The following BDH1 variants were observed in gnomAD, a reference collection of about 807,000 sequenced individuals.
BDH1 encodes the protein D-beta-hydroxybutyrate dehydrogenase, mitochondrial.
Under a neutral mutation model 33.1 loss-of-function variants are expected in BDH1, and 30 were observed. The ratio of observed to expected loss-of-function variants is 0.91; its 90% CI spans 0.68 to 1.23. The LOEUF (loss-of-function observed/expected upper bound fraction) is 1.23, where lower values mean the gene tolerates loss of function less well. BDH1 is among the 50% of genes most tolerant of loss of function. The pLI is 0.00. For synonymous variants in BDH1, 190 were observed against 183.6 expected (o/e 1.03, Z -0.28); for missense variants, 443 against 464.4 (o/e 0.95, Z 0.42).
intron 1 of BDH1, among the ~76,000 whole-genome samples, chr3:197,571,575 AC>A (rs1156487742): frequency 2.0e-5 from 3 of 152,188 alleles, no homozygotes; most frequent in Non-Finnish European, 2.9e-5. Context: ...ACAAGGGGAA[AC>A]CCCTTTCACT....
At chr3:197,560,039 C>T (rs1247556291), upstream of BDH1, among the ~76,000 whole-genome samples, 2 of 152,262 alleles carry the variant, frequency 1.3e-5, no homozygotes, top group Admixed American at 1.3e-4. Flanking sequence ...TCAGCACACT[C>T]TCCTCAACCC....
chr3:197,560,388 A>G (rs559219062), upstream of BDH1, among the ~76,000 whole-genome samples: 4 of 152,204 alleles, frequency 2.6e-5, no homozygotes, highest in South Asian at 2.1e-4. Flanking sequence ...TACCTTTCTC[A>G]GCATTCCACA....
intron 6 of BDH1, chr3:197,515,875 C>A: frequency 5.0e-6 from 1 of 199,566 alleles, no homozygotes; most frequent in Non-Finnish European, 9.0e-6. Flanking sequence ...GGCACTCCAG[C>A]CTGGGTGACA....
chr3:197,543,470 G>A (rs1316804921), intron 3 of BDH1, among the ~76,000 whole-genome samples: 2 of 152,236 alleles, frequency 1.3e-5, no homozygotes, highest in Non-Finnish European at 2.9e-5. Flanking sequence ...TCCCAGATGT[G>A]AGCAAGGCAC....
chr3:197,513,282 TTTC>T (rs1403063561), intron 7 of BDH1, among the ~76,000 whole-genome samples: 1 of 152,022 alleles, frequency 6.6e-6, no homozygotes, highest in Non-Finnish European at 1.5e-5. Flanking sequence ...TGGGACCAGT[TTTC>T]CTGGGAGGGA....
Position 197,513,148 on chromosome 3 carries a change from C to T in BDH1, c.563-784G>A, listed in dbSNP as rs564408583. Among the ~76,000 whole-genome samples the T allele has an allele frequency of 7.0e-4, 107 of 152,350 alleles. 1 individual carries two copies. The highest frequency in any genetic ancestry group is 2.4e-3 in the African/African-American group (99 of 41,584). On this transcript the variant is annotated intron_variant, in intron 7 of 7. Transcript: ENST00000392379. ...GGGCACTGGGAGAGTGTGGTGATCC[C>T]CCTCCAAAGGCCACAGGCCCAGCCT...
At chr3:197,569,469 T>C (rs943635201) in intron 1 of BDH1, among the ~76,000 whole-genome samples, 10 of 152,196 alleles carry the variant, frequency 6.6e-5, no homozygotes, top group Admixed American at 2.6e-4. Context: ...TTTGGCTGTG[T>C]CCCTACCCAA....
At chr3:197,533,797 A>G (rs1279539492) in intron 3 of BDH1, 2 of 505,852 alleles carry the variant, frequency 4.0e-6, no homozygotes, top group East Asian at 3.1e-5. Context: ...AATAAAGCCA[A>G]TTCTGAAGCT....
At position 197,512,368 on chromosome 3, in the gene BDH1, C is replaced by G. The variant is rs373897141; in HGVS notation, c.563-4G>C. 1.2e-5 allele frequency: 19 copies of G among 1,594,418 alleles called. No homozygotes were observed. Among genetic ancestry groups the G allele is most frequent in the Non-Finnish European group, 1.5e-5 (18 of 1,173,942 alleles). Reference sequence around the variant, plus strand: ...CTGCTGATATTGACGACGCGGCCTACAGAGGGAGACAGAGGTACCTGCTAA... The same window carrying G: ...CTGCTGATATTGACGACGCGGCCTAGAGAGGGAGACAGAGGTACCTGCTAA... On this transcript the variant is annotated splice_region_variant and splice_polypyrimidine_tract_variant and intron_variant, in intron 7 of 7. Transcript: ENST00000392379.
chr3:197,518,854 C>T (rs1579881801), intron 6 of BDH1, among the ~76,000 whole-genome samples: 1 of 81,652 alleles, frequency 1.2e-5, no homozygotes, highest in Non-Finnish European at 2.5e-5. Flanking sequence ...CAGGCCGACC[C>T]CCCTCATCAG....
chr3:197,522,822 C>T lies in BDH1; in HGVS notation c.268-41G>A, dbSNP rs3828369. 0.18 allele frequency: 287,899 copies of T among 1,603,160 alleles called. 26,682 individuals are homozygous for T. Among genetic ancestry groups the T allele is most frequent in the African/African-American group, 0.25 (18,763 of 74,800 alleles). ...GAGCTGCTTCTACCTCCTTCCTTCCCACCCTGAGGCAGACCCTGAGGACTC... is the reference window on the plus strand; with the variant it reads ...GAGCTGCTTCTACCTCCTTCCTTCCTACCCTGAGGCAGACCCTGAGGACTC... On this transcript the variant is annotated intron_variant, in intron 5 of 7. Coordinates refer to ENST00000392379, the MANE Select transcript of BDH1 (RefSeq NM_203314.3). This position sits in a 1 kb window ranked among gnomAD's most constrained non-coding sequence, Gnocchi z 4.8.
intron 2 of BDH1, among the ~76,000 whole-genome samples, chr3:197,548,266 CT>C (rs1716257696): frequency 6.7e-6 from 1 of 149,468 alleles, no homozygotes; most frequent in Non-Finnish European, 1.5e-5. Context: ...TTGGCTCAGA[CT>C]TTTTCATGAG....
At chr3:197,538,196 C>A (rs552392427) in intron 3 of BDH1, 1 of 437,312 alleles carries the variant, frequency 2.3e-6, no homozygotes, top group African/African-American at 2.0e-5. Context: ...TTCCCAGAAG[C>A]GGAGGTCCTG....
chr3:197,514,122 C>A lies in BDH1; in HGVS notation c.562+142G>T. 8.6e-7 allele frequency: 1 copy of A among 1,160,442 alleles called. No individual in the cohort carries two copies. The highest frequency in any genetic ancestry group is 1.2e-6 in the Non-Finnish European group (1 of 847,002). The allele number at this position is 1,160,442 out of a possible 1,614,324, so 71.9% of individuals were successfully genotyped here. ...CCCTCTGCCCACCATCACCCCAGGCCCAGCATAGTCCCTGGGATTCACGAG... is the reference window on the plus strand; with the variant it reads ...CCCTCTGCCCACCATCACCCCAGGCACAGCATAGTCCCTGGGATTCACGAG... On this transcript the variant is annotated intron_variant, in intron 7 of 7. Transcript: ENST00000392379. The surrounding 1 kb of genome is among the most constrained non-coding windows in gnomAD (Gnocchi z 4.2).
intron 5 of BDH1, among the ~76,000 whole-genome samples, chr3:197,527,532 C>T (rs999688595): frequency 2.0e-5 from 3 of 152,138 alleles, no homozygotes; most frequent in Non-Finnish European, 4.4e-5. Context: ...CGCAGGGAGC[C>T]CCCGTTCATC....
chr3:197,564,786 C>T (rs887053745), intron 1 of BDH1, among the ~76,000 whole-genome samples: 16 of 152,108 alleles, frequency 1.1e-4, no homozygotes, highest in African/African-American at 3.9e-4. Flanking sequence ...AAATATTAAC[C>T]AACTCCTAAG....
intron 3 of BDH1, among the ~76,000 whole-genome samples, chr3:197,542,521 C>CTTTTTTTTTTTTTTTTTTTTTTTT (rs71164295): frequency 9.4e-6 from 1 of 106,446 alleles, no homozygotes; most frequent in African/African-American, 4.3e-5. Flanking sequence ...TTCTTGCTTG[C>CTTTTTTTTTTTTTTTTTTTTTTTT]TTTTTTTTTT....
intron 1 of BDH1, among the ~76,000 whole-genome samples, chr3:197,563,944 A>G (rs1717347433): frequency 6.6e-6 from 1 of 152,056 alleles, no homozygotes; most frequent in Non-Finnish European, 1.5e-5. Context: ...TCTACTAAAA[A>G]TACAAAAATT....
Position 197,516,300 on chromosome 3 carries a change from T to C in BDH1, c.410-1884A>G, listed in dbSNP as rs970210077. Reference sequence around the variant, plus strand: ...TTTGTGTTTGATTCATAACGGACAATATCCCATGACTTAAAATGCATACAG... The same window carrying C: ...TTTGTGTTTGATTCATAACGGACAACATCCCATGACTTAAAATGCATACAG... On this transcript the variant is annotated intron_variant, in intron 6 of 7. Transcript: ENST00000392379. The surrounding 1 kb of genome is among the most constrained non-coding windows in gnomAD (Gnocchi z 4.2). Among the ~76,000 whole-genome samples the C allele has an allele frequency of 6.6e-6, 1 of 152,204 alleles. No homozygotes were observed. The highest frequency in any genetic ancestry group is 2.1e-4 in the South Asian group (1 of 4,814).
Sources: gnomAD v4.1 joint callset for allele counts (sites outside exome capture counted in the v4.1 genomes callset) on GRCh38, gnomAD v4.1.1 for gene constraint, Gnocchi (gnomAD v3.1) non-coding constraint, MANE v1.5 for transcripts, NCBI Gene and HGNC (gene_info 2026-07-23, HGNC 2026-07-21) for gene names.